The following LARP1B variants were observed in gnomAD, a reference collection of about 807,000 sequenced individuals.
The protein encoded by LARP1B is la-related protein 1B.
LARP1B carries 76 observed loss-of-function variants against 114.2 expected under a neutral mutation model. The observed-to-expected ratio is 0.67, with a 90% CI of 0.55 to 0.81. The LOEUF (loss-of-function observed/expected upper bound fraction) is 0.81, where lower values mean the gene tolerates loss of function less well. LARP1B is among the 30% of genes least tolerant of loss of function. The probability of loss-of-function intolerance (pLI) is 0.00; values close to 1 mark genes in which losing one functional copy is unlikely to be tolerated. For synonymous variants in LARP1B, 345 were observed against 348.0 expected (o/e 0.99, Z 0.10); for missense variants, 1,014 against 1,075.8 (o/e 0.94, Z 0.80).
chr4:128,193,529 A>G (rs80318929), intron 15 of LARP1B, among the ~76,000 whole-genome samples: 2,760 of 152,194 alleles, frequency 0.018, 43 homozygotes, highest in Non-Finnish European at 0.026. Context: ...TTCAAATTAC[A>G]TATATGTTAG....
chr4:128,093,185 T>C (rs113520738), intron 7 of LARP1B, among the ~76,000 whole-genome samples: 37 of 152,354 alleles, frequency 2.4e-4, no homozygotes, highest in African/African-American at 7.9e-4. Flanking sequence ...ATTACCATTC[T>C]TTGATTAGTG....
intron 1 of LARP1B, chr4:128,062,079 A>C: frequency 2.0e-6 from 2 of 985,294 alleles, no homozygotes; most frequent in South Asian, 9.4e-5. Flanking sequence ...GCCCGGGAAG[A>C]GGTGGCAGCT....
intron 11 of LARP1B, among the ~76,000 whole-genome samples, chr4:128,140,681 C>T (rs2150204906): frequency 6.6e-6 from 1 of 152,074 alleles, no homozygotes; most frequent in Non-Finnish European, 1.5e-5. Context: ...TTCTAGGAGA[C>T]ATATTTCATA....
At chr4:128,063,508 G>T (rs376285227) in intron 1 of LARP1B, among the ~76,000 whole-genome samples, 20 of 150,996 alleles carry the variant, frequency 1.3e-4, no homozygotes, top group African/African-American at 4.4e-4. Context: ...GGCCGGGCGC[G>T]GTGGCTCACG....
chr4:128,069,227 G>C, intron 1 of LARP1B: 1 of 1,058,614 alleles, frequency 9.4e-7, no homozygotes, highest in Middle Eastern at 3.0e-4. Context: ...ATGGATCAAT[G>C]AGGATAACCT....
chr4:128,116,829 A>G (rs1786011505), intron 10 of LARP1B, among the ~76,000 whole-genome samples: 1 of 150,132 alleles, frequency 6.7e-6, no homozygotes, highest in Non-Finnish European at 1.5e-5. Flanking sequence ...TTCTAAAAGC[A>G]TTTTTCTTTT....
intron 1 of LARP1B, among the ~76,000 whole-genome samples, chr4:128,065,872 G>T (rs1191638043): frequency 2.0e-5 from 3 of 152,084 alleles, no homozygotes; most frequent in Non-Finnish European, 1.5e-5. Context: ...CTCTATTGCA[G>T]TGGTGAGATC....
At chr4:128,203,485 T>C (rs1338467367) in intron 17 of LARP1B, among the ~76,000 whole-genome samples, 1 of 152,032 alleles carries the variant, frequency 6.6e-6, no homozygotes, top group Non-Finnish European at 1.5e-5. Context: ...GCAATTCTTC[T>C]GCCTCAGCCT....
At chr4:128,178,035 G>GATATATATATATATATATATATATATAT (rs35878913) in intron 13 of LARP1B, among the ~76,000 whole-genome samples, 2 of 137,850 alleles carry the variant, frequency 1.5e-5, no homozygotes, top group African/African-American at 2.6e-5. Flanking sequence ...TTTACAAAGT[G>GATATATATATATATATATATATATATAT]ATATATATAT....
intron 15 of LARP1B, among the ~76,000 whole-genome samples, chr4:128,179,863 A>C (rs1243691565): frequency 1.3e-5 from 2 of 152,238 alleles, no homozygotes; most frequent in Non-Finnish European, 2.9e-5. Flanking sequence ...TGTGCTAAAC[A>C]AACAACTCAA....
rs1225335787 is a variant in LARP1B, at chr4:128,070,396, C to T, written c.-77-4064C>T. On this transcript the variant is annotated intron_variant, in intron 1 of 19. Transcript: ENST00000326639. ...TGAGGACTGCCCGGGCACGGTGGCTCATGCCTGCAATCCGAGCACTTTGGG... is the reference window on the plus strand; with the variant it reads ...TGAGGACTGCCCGGGCACGGTGGCTTATGCCTGCAATCCGAGCACTTTGGG... Among the ~76,000 whole-genome samples the T allele has an allele frequency of 3.9e-5, 6 of 152,226 alleles. No homozygotes were observed. The East Asian group carries it at 1.2e-3, about 29-fold the overall frequency.
rs142196125 is a variant in LARP1B at position 128,110,131 on chromosome 4, T to C, written c.988+2818T>C. 2.0e-3 allele frequency among the ~76,000 whole-genome samples: 312 copies of C among 152,252 alleles called. 3 individuals carry two copies. The highest frequency in any genetic ancestry group is 7.3e-3 in the African/African-American group (304 of 41,564). ...GTTGGTCAGGCTTGTCTCGAACTCCTGACCTTGTGATCAGCCCACCTCGGC... is the reference window on the plus strand; with the variant it reads ...GTTGGTCAGGCTTGTCTCGAACTCCCGACCTTGTGATCAGCCCACCTCGGC... On this transcript the variant is annotated intron_variant, in intron 9 of 19. Coordinates refer to ENST00000326639, the MANE Select transcript of LARP1B (RefSeq NM_018078.4).
chr4:128,146,800 A>T (rs566298151), intron 11 of LARP1B, among the ~76,000 whole-genome samples: 4 of 152,358 alleles, frequency 2.6e-5, no homozygotes, highest in Admixed American at 1.3e-4. Context: ...ATTTAAAAAT[A>T]GCTGGATGAA....
chr4:128,142,500 A>G (rs1238573051), intron 11 of LARP1B, among the ~76,000 whole-genome samples: 1 of 150,788 alleles, frequency 6.6e-6, no homozygotes, highest in Non-Finnish European at 1.5e-5. Context: ...CTTATGTTGT[A>G]TATTTCTTTC....
downstream of LARP1B, among the ~76,000 whole-genome samples, chr4:128,213,833 C>T (rs1156514815): frequency 1.3e-5 from 2 of 152,166 alleles, no homozygotes; most frequent in Non-Finnish European, 2.9e-5. Context: ...CTCCGGTCTA[C>T]AGCTCCCAGC....
At chr4:128,161,718 AG>A (rs1410491483) in intron 11 of LARP1B, among the ~76,000 whole-genome samples, 1 of 152,110 alleles carries the variant, frequency 6.6e-6, no homozygotes, top group African/African-American at 2.4e-5. Context: ...ATCCTTCAAG[AG>A]GTGCTTTTGT....
intron 11 of LARP1B, chr4:128,155,796 G>C: frequency 6.3e-7 from 1 of 1,592,324 alleles, no homozygotes; most frequent in Middle Eastern, 1.7e-4. Context: ...TGCAGGCGGA[G>C]ACTGATAAAC....
chr4:128,152,022 C>G (rs760422067), intron 11 of LARP1B, among the ~76,000 whole-genome samples: 2 of 152,104 alleles, frequency 1.3e-5, no homozygotes, highest in Non-Finnish European at 2.9e-5. Context: ...GTGATTTGGT[C>G]ATTTGGTTAT....
At chr4:128,154,559 G>C (rs536363781) in intron 11 of LARP1B, among the ~76,000 whole-genome samples, 2 of 152,078 alleles carry the variant, frequency 1.3e-5, no homozygotes, top group Non-Finnish European at 2.9e-5. Context: ...AGTTGCATGT[G>C]CAGTTTCCTC....
Sources: gnomAD v4.1 joint callset for allele counts (sites outside exome capture counted in the v4.1 genomes callset) on GRCh38, gnomAD v4.1.1 for gene constraint, MANE v1.5 for transcripts, NCBI Gene and HGNC (gene_info 2026-07-23, HGNC 2026-07-21) for gene names.